MARCHF1: variants seen among roughly 807,000 people sequenced by gnomAD.
MARCHF1 encodes E3 ubiquitin-protein ligase MARCHF1.
MARCHF1 carries 40 observed loss-of-function variants against 54.2 expected under a neutral mutation model. That is an observed-to-expected ratio of 0.74 (90% confidence interval 0.57 to 0.96). The LOEUF (loss-of-function observed/expected upper bound fraction) is 0.96, where lower values mean the gene tolerates loss of function less well. MARCHF1 is among the 40% of genes least tolerant of loss of function. MARCHF1 has a pLI of 0.00. For synonymous variants in MARCHF1, 236 were observed against 236.3 expected (o/e 1.00, Z 0.01); for missense variants, 586 against 656.5 (o/e 0.89, Z 1.17).
intron 5 of MARCHF1, among the ~76,000 whole-genome samples, chr4:163,618,499 T>C (rs78088780): frequency 0.048 from 7,364 of 152,196 alleles, 376 homozygotes; most frequent in East Asian, 0.2. Flanking sequence ...GTTTCCCCTA[T>C]CTCAATAGCT....
At chr4:163,611,850 T>C (rs922565950) in intron 7 of MARCHF1, among the ~76,000 whole-genome samples, 2 of 152,070 alleles carry the variant, frequency 1.3e-5, no homozygotes, top group Admixed American at 1.3e-4. Flanking sequence ...GAGAATGTTA[T>C]TTTCTGATAC....
At chr4:163,672,405 C>T (rs1743768831) in intron 5 of MARCHF1, among the ~76,000 whole-genome samples, 2 of 152,080 alleles carry the variant, frequency 1.3e-5, no homozygotes, top group Non-Finnish European at 2.9e-5. Context: ...TTAAAAGTTC[C>T]TGGCACACAA....
At chr4:164,051,535 T>A (rs17675425) in intron 2 of MARCHF1, among the ~76,000 whole-genome samples, 43,085 of 152,134 alleles carry the variant, frequency 0.28, 7,431 homozygotes, top group East Asian at 0.55. Flanking sequence ...TTATAGTAAC[T>A]GGTAACATTT....
At chr4:164,139,508 A>G (rs1037631252) in intron 1 of MARCHF1, among the ~76,000 whole-genome samples, 5 of 150,912 alleles carry the variant, frequency 3.3e-5, no homozygotes, top group Non-Finnish European at 3.0e-5. Context: ...AAAAAAAAAG[A>G]AGGAAAGGAG....
intron 2 of MARCHF1, among the ~76,000 whole-genome samples, chr4:164,100,687 A>C (rs1755526156): frequency 6.6e-6 from 1 of 152,026 alleles, no homozygotes; most frequent in African/African-American, 2.4e-5. Flanking sequence ...CTCCCCTAAA[A>C]CTCCTATTTT....
intron 4 of MARCHF1, among the ~76,000 whole-genome samples, chr4:163,847,118 A>G (rs1345332929): frequency 1.3e-5 from 2 of 152,224 alleles, no homozygotes; most frequent in East Asian, 3.8e-4. Context: ...AGTAACAAGA[A>G]CTAGAACAAA....
At chr4:163,542,162 A>G (rs1738741821) in intron 9 of MARCHF1, among the ~76,000 whole-genome samples, 1 of 152,220 alleles carries the variant, frequency 6.6e-6, no homozygotes, top group African/African-American at 2.4e-5. Context: ...TGAAGAGTCC[A>G]CTGGAGGTTA....
intron 2 of MARCHF1, among the ~76,000 whole-genome samples, chr4:164,045,188 T>G (rs1754215913): frequency 6.6e-6 from 1 of 152,076 alleles, no homozygotes; most frequent in South Asian, 2.1e-4. Context: ...TTAAACTTTC[T>G]AAATGAGTAT....
chr4:163,611,291 A>G (rs777497647), intron 7 of MARCHF1, among the ~76,000 whole-genome samples: 1 of 152,094 alleles, frequency 6.6e-6, no homozygotes, highest in Non-Finnish European at 1.5e-5. Flanking sequence ...TAAACAAACC[A>G]TTCTTATATT....
At chr4:163,798,699 A>G (rs1747992034) in intron 4 of MARCHF1, among the ~76,000 whole-genome samples, 1 of 152,112 alleles carries the variant, frequency 6.6e-6, no homozygotes. Flanking sequence ...AAAAGTAAGA[A>G]AATACAGTGA....
intron 4 of MARCHF1, among the ~76,000 whole-genome samples, chr4:163,753,444 C>CT (rs1334774929): frequency 1.3e-5 from 2 of 151,970 alleles, no homozygotes; most frequent in Non-Finnish European, 2.9e-5. Context: ...TTTATTCTCT[C>CT]TTTTTTCTAT....
intron 5 of MARCHF1, among the ~76,000 whole-genome samples, chr4:163,628,377 A>G (rs1246339397): frequency 6.6e-6 from 1 of 152,230 alleles, no homozygotes; most frequent in African/African-American, 2.4e-5. Context: ...TCAATAAACT[A>G]GGCATTGATG....
intron 1 of MARCHF1, among the ~76,000 whole-genome samples, chr4:164,264,612 C>A (rs1263049753): frequency 6.6e-6 from 1 of 151,862 alleles, no homozygotes; most frequent in Non-Finnish European, 1.5e-5. Flanking sequence ...AGTAAAAGTC[C>A]ACATTGAGAT....
At chr4:163,957,077 T>C (rs962285688) in intron 3 of MARCHF1, among the ~76,000 whole-genome samples, 1 of 152,034 alleles carries the variant, frequency 6.6e-6, no homozygotes, top group South Asian at 2.1e-4. Context: ...TATATAAAGG[T>C]AAACAATAGA....
chr4:164,249,125 G>A (rs985894346), intron 1 of MARCHF1, among the ~76,000 whole-genome samples: 3 of 151,862 alleles, frequency 2.0e-5, no homozygotes, highest in East Asian at 1.9e-4. Context: ...TTACAATCCC[G>A]GGGTAGATAC....
chr4:164,232,627 T>A (rs1732444147), intron 1 of MARCHF1, among the ~76,000 whole-genome samples: 2 of 152,196 alleles, frequency 1.3e-5, no homozygotes, highest in Admixed American at 6.5e-5. Flanking sequence ...CACATGTGGT[T>A]ATTCCTTTTA....
At chr4:164,066,840 G>A (rs769582684) in intron 2 of MARCHF1, among the ~76,000 whole-genome samples, 8 of 152,146 alleles carry the variant, frequency 5.3e-5, no homozygotes, top group Non-Finnish European at 1.2e-4. Flanking sequence ...GACACACAGT[G>A]GGAAAGAACA....
At chr4:164,364,422 T>A (rs1041533292) in intron 1 of MARCHF1, among the ~76,000 whole-genome samples, 1 of 152,116 alleles carries the variant, frequency 6.6e-6, no homozygotes, top group Admixed American at 6.6e-5. Context: ...AGTAAGCATC[T>A]GAACCAAAAT....
intron 4 of MARCHF1, among the ~76,000 whole-genome samples, chr4:163,848,217 A>C (rs1039282987): frequency 6.6e-6 from 1 of 152,108 alleles, no homozygotes; most frequent in African/African-American, 2.4e-5. Flanking sequence ...TCTCCTCTTT[A>C]ATTTTTTTCT....
Sources: allele counts gnomAD v4.1 joint callset (sites outside exome capture counted in the v4.1 genomes callset), GRCh38; gene constraint gnomAD v4.1.1; transcripts MANE v1.5; gene names NCBI Gene and HGNC (gene_info 2026-07-23, HGNC 2026-07-21).